The following GRIP1 variants were observed in gnomAD, a reference collection of about 807,000 sequenced individuals.
GRIP1 encodes glutamate receptor interacting protein 1.
Under a neutral mutation model 129.9 loss-of-function variants are expected in GRIP1, and 45 were observed. The observed-to-expected ratio is 0.35, with a 90% CI of 0.27 to 0.44. GRIP1 has a LOEUF of 0.44. Among genes scored for constraint, GRIP1 ranks in the 20% least tolerant of loss-of-function variants. GRIP1 has a pLI of 1.00. For missense variants in GRIP1, 1,196 were observed against 1,396.8 expected (o/e 0.86, Z 2.29); for synonymous variants, 530 against 520.8 (o/e 1.02, Z -0.24).
At chr12:66,742,455 G>C (rs1479373267) in intron 1 of GRIP1, among the ~76,000 whole-genome samples, 1 of 152,130 alleles carries the variant, frequency 6.6e-6, no homozygotes, top group Admixed American at 6.6e-5. Flanking sequence ...TCAAGAAGTA[G>C]AATGGATTAC....
At chr12:66,405,867 A>G (rs115170106) in intron 16 of GRIP1, among the ~76,000 whole-genome samples, 4 of 152,368 alleles carry the variant, frequency 2.6e-5, no homozygotes, top group African/African-American at 9.6e-5. Context: ...CAGGCAGTCA[A>G]TAAAAATGAT....
chr12:66,911,159 C>T (rs950168070), intron 1 of GRIP1, among the ~76,000 whole-genome samples: 1 of 152,180 alleles, frequency 6.6e-6, no homozygotes, highest in Non-Finnish European at 1.5e-5. Flanking sequence ...GGTGCTACAA[C>T]AGTGGGAGAA....
chr12:66,528,197 C>T lies in GRIP1; in HGVS notation c.502+1634G>A, dbSNP rs993513034. ...TCACCCAGGCTGGAGTGCAGTGGCA[C>T]GATCTGGGCTCACTGCAAGCTCCAC... is the stretch of plus-strand genomic sequence containing the variant. On this transcript the variant is annotated intron_variant, in intron 5 of 24. Transcript: ENST00000359742. Among the ~76,000 whole-genome samples, 9 of 139,152 alleles carry T rather than the reference C, an allele frequency of 6.5e-5. No homozygotes were observed. In the East Asian group the frequency reaches 1.3e-3, roughly 20 times the overall value. 91.3% of individuals were successfully genotyped at this position (139,152 alleles called of 152,430 possible).
At chr12:66,906,908 C>T (rs1187527973) in intron 1 of GRIP1, among the ~76,000 whole-genome samples, 3 of 152,194 alleles carry the variant, frequency 2.0e-5, no homozygotes, top group Admixed American at 2.0e-4. Flanking sequence ...ACCTTTCCCC[C>T]AGCTTGCCTT....
chr12:66,703,985 T>C (rs1402128148), intron 1 of GRIP1, among the ~76,000 whole-genome samples: 2 of 151,648 alleles, frequency 1.3e-5, no homozygotes, highest in East Asian at 1.9e-4. Flanking sequence ...AAAACACAAG[T>C]GACAAAGGTA....
chr12:66,778,818 A>T (rs1172408606), intron 1 of GRIP1, among the ~76,000 whole-genome samples: 1 of 152,222 alleles, frequency 6.6e-6, no homozygotes, highest in Non-Finnish European at 1.5e-5. Flanking sequence ...AAACTTTAGT[A>T]GACATAGGAA....
intron 22 of GRIP1, 198 bp from the exon 23 acceptor site, chr12:66,372,125 A>G (rs2055538612): frequency 1.6e-6 from 1 of 620,752 alleles, no homozygotes; most frequent in East Asian, 2.7e-5. Context: ...TATAATGCAC[A>G]TCTCAAATCC....
chr12:66,752,562 T>C (rs2037162205), intron 1 of GRIP1, among the ~76,000 whole-genome samples: 1 of 152,156 alleles, frequency 6.6e-6, no homozygotes, highest in Admixed American at 6.5e-5. Flanking sequence ...GCCTTATACA[T>C]ATAGGCAATT....
rs2056704999 is a variant in GRIP1, at chr12:66,394,267, A to G, written c.2070T>C (p.Thr690=). 1 of 1,614,008 alleles carries G rather than the reference A, an allele frequency of 6.2e-7. No individual in the cohort carries two copies. The highest frequency in any genetic ancestry group is 2.2e-5 in the East Asian group (1 of 44,880). The change falls in exon 17 of 25, where the codon ACT becomes ACC. Residue 690 remains threonine (T), a synonymous_variant. Transcript: ENST00000359742. ...TGATTATAGGATCAAACGGCTCTTCAGTTCCTGAAATTGTGATGCCAAGGG... is the reference window on the plus strand; with the variant it reads ...TGATTATAGGATCAAACGGCTCTTCGGTTCCTGAAATTGTGATGCCAAGGG... ...GGPLGITISG[T]EEPFDPIIIS... is the part of the protein sequence containing the mutation.
chr12:66,429,154 G>A (rs2058071233), intron 14 of GRIP1, among the ~76,000 whole-genome samples: 1 of 152,186 alleles, frequency 6.6e-6, no homozygotes, highest in African/African-American at 2.4e-5. Context: ...TCATTTCTCA[G>A]TCAATTAGGT....
At chr12:66,580,075 A>G (rs1303306720) in intron 2 of GRIP1, among the ~76,000 whole-genome samples, 1 of 149,452 alleles carries the variant, frequency 6.7e-6, no homozygotes, top group African/African-American at 2.5e-5. Flanking sequence ...GAAACTCTAC[A>G]AGCCAGAAGA....
In GRIP1 at chr12:66,392,462, G is replaced by A. The variant is rs769621251; in HGVS notation, c.2310C>T (p.Ser770=). 2.5e-6 allele frequency: 4 copies of A among 1,614,004 alleles called. No individual in the cohort carries two copies. Among genetic ancestry groups the A allele is most frequent in the Admixed American group, 1.7e-5 (1 of 59,996 alleles). The change falls in exon 19 of 25, where the codon AGC becomes AGT. Residue 770 remains serine (S), a synonymous_variant. Coordinates refer to ENST00000359742, the MANE Select transcript of GRIP1 (RefSeq NM_001366722.1). ...ASSPKKFPIS[S]HLSDLGDVEE... ...CCACATCCCCCAGGTCACTCAAATG[G>A]CTAGAAATAGGGAACTTCTTGGGGC...
At chr12:66,766,470 T>C (rs760489484) in intron 1 of GRIP1, among the ~76,000 whole-genome samples, 1 of 152,204 alleles carries the variant, frequency 6.6e-6, no homozygotes, top group Non-Finnish European at 1.5e-5. Context: ...CACTGTACTT[T>C]GAGGTCACAT....
chr12:66,965,191 C>T (rs1222574551), intron 1 of GRIP1, among the ~76,000 whole-genome samples: 1 of 151,938 alleles, frequency 6.6e-6, no homozygotes, highest in Non-Finnish European at 1.5e-5. Context: ...ACTCCCCATT[C>T]CCATATTATT....
chr12:66,874,283 T>C (rs749805846), intron 1 of GRIP1, among the ~76,000 whole-genome samples: 6 of 152,108 alleles, frequency 3.9e-5, no homozygotes, highest in Admixed American at 2.6e-4. Context: ...TACATTTACA[T>C]AATTGTTGCA....
chr12:67,007,024 T>C (rs1215487234), intron 1 of GRIP1, among the ~76,000 whole-genome samples: 1 of 152,202 alleles, frequency 6.6e-6, no homozygotes, highest in Non-Finnish European at 1.5e-5. Context: ...ATAATATACA[T>C]GTATTTAAAC....
At chr12:66,625,669 A>G (rs1304290710) in intron 1 of GRIP1, among the ~76,000 whole-genome samples, 3 of 152,182 alleles carry the variant, frequency 2.0e-5, no homozygotes, top group Non-Finnish European at 4.4e-5. Flanking sequence ...TTTAATGAGA[A>G]ACATCACTGA....
At chr12:67,023,717 C>T (rs1357692715) in intron 1 of GRIP1, among the ~76,000 whole-genome samples, 3 of 152,128 alleles carry the variant, frequency 2.0e-5, no homozygotes, top group East Asian at 3.9e-4. Context: ...TCCAAAACTT[C>T]CACTCTCACC....
chr12:66,845,639 G>T (rs75550200), intron 1 of GRIP1, among the ~76,000 whole-genome samples: 20 of 152,204 alleles, frequency 1.3e-4, no homozygotes, highest in Middle Eastern at 3.4e-3. Context: ...GACTTACAAC[G>T]TATCTTTGAT....
Sources: gnomAD v4.1 joint callset for allele counts (sites outside exome capture counted in the v4.1 genomes callset) on GRCh38, gnomAD v4.1.1 for gene constraint, MANE v1.5 for transcripts, NCBI Gene and HGNC (gene_info 2026-07-23, HGNC 2026-07-21) for gene names.